AK8: variants seen among roughly 807,000 people sequenced by gnomAD.
The protein encoded by AK8 is ATP-AMP transphosphorylase 8.
A neutral mutation model predicts 54.6 loss-of-function variants in AK8; 44 were observed. That is an observed-to-expected ratio of 0.81 (90% confidence interval 0.63 to 1.04). The LOEUF is 1.04. AK8 is among the 50% of genes least tolerant of loss of function. AK8 has a pLI of 0.00. For missense variants in AK8, 555 were observed against 613.6 expected, an observed-to-expected ratio of 0.90 and a Z score of 1.01; for synonymous variants, 239 against 245.6, an observed-to-expected ratio of 0.97 and a Z score of 0.25.
At chr9:132,833,973 G>C (rs184449929) in intron 5 of AK8, among the ~76,000 whole-genome samples, 6 of 152,224 alleles carry the variant, frequency 3.9e-5, no homozygotes, top group African/African-American at 1.2e-4. Flanking sequence ...GGGCTCCCTG[G>C]GTGTTTTCCC....
chr9:132,782,365 T>C (rs1011338318), intron 11 of AK8, among the ~76,000 whole-genome samples: 1 of 152,108 alleles, frequency 6.6e-6, no homozygotes, highest in African/African-American at 2.4e-5. Context: ...CCCCAGTGCG[T>C]TTCATCTTCA....
chr9:132,874,684 C>T (rs1466985901), intron 2 of AK8, among the ~76,000 whole-genome samples: 1 of 152,188 alleles, frequency 6.6e-6, no homozygotes, highest in East Asian at 1.9e-4. Flanking sequence ...GATAATGAGA[C>T]CGTCGGAAAA....
At chr9:132,878,394 G>GC (rs1844256772), upstream of AK8, 2 of 1,242,240 alleles carry the variant, frequency 1.6e-6, no homozygotes, top group Non-Finnish European at 2.0e-6. The surrounding 1 kb of genome is among the most constrained non-coding windows in gnomAD (Gnocchi z 4.7). Context: ...CGCGCGGGTC[G>GC]CCCCCGCCCC....
At chr9:132,844,574 T>A (rs1842675320) in intron 5 of AK8, among the ~76,000 whole-genome samples, 1 of 152,182 alleles carries the variant, frequency 6.6e-6, no homozygotes, top group African/African-American at 2.4e-5. Flanking sequence ...AAGCACATAA[T>A]TAGAAGTCTA....
intron 11 of AK8, among the ~76,000 whole-genome samples, chr9:132,733,822 G>A (rs933628717): frequency 6.6e-5 from 10 of 152,156 alleles, no homozygotes; most frequent in Non-Finnish European, 1.5e-4. Flanking sequence ...GGGTGTGCTG[G>A]GCAGACCCTC....
chr9:132,777,356 C>G (rs1839266939), intron 11 of AK8, among the ~76,000 whole-genome samples: 1 of 152,102 alleles, frequency 6.6e-6, no homozygotes, highest in South Asian at 2.1e-4. Flanking sequence ...CCCACTGTCC[C>G]TGATTTTTAG....
intron 5 of AK8, among the ~76,000 whole-genome samples, chr9:132,848,944 T>G (rs2131367804): frequency 6.7e-6 from 1 of 148,684 alleles, no homozygotes. Context: ...AGTCTCACTC[T>G]GTCGCCCAGG....
Position 132,775,921 on chromosome 9 carries a change from C to T in AK8, c.1121+16713G>A, listed in dbSNP as rs1257239344. 3.9e-5 allele frequency among the ~76,000 whole-genome samples: 6 copies of T among 152,322 alleles called. No individual in the cohort carries two copies. In the East Asian group the frequency reaches 1.2e-3, roughly 29 times the overall value. Reference sequence around the variant, plus strand: ...GCAGGCAGAGTTCACAGGTTATGTACATTTTTTGATGTCACTGCTTCAAAA... The same window carrying T: ...GCAGGCAGAGTTCACAGGTTATGTATATTTTTTGATGTCACTGCTTCAAAA... On this transcript the variant is annotated intron_variant, in intron 11 of 12. Transcript: ENST00000298545.
chr9:132,733,547 G>A (rs1018477509), intron 11 of AK8, among the ~76,000 whole-genome samples: 4 of 152,366 alleles, frequency 2.6e-5, no homozygotes, highest in South Asian at 2.1e-4. Flanking sequence ...AAGATGTGAC[G>A]CACAAGGACA....
intron 4 of AK8, 25 bp from the exon 5 acceptor site, chr9:132,854,950 T>G (rs200775725): frequency 7.7e-5 from 125 of 1,613,774 alleles, no homozygotes; most frequent in East Asian, 2.0e-4. Flanking sequence ...ACACACAGAA[T>G]GATGGCCCAA....
chr9:132,823,141 G>C (rs1841721899), intron 9 of AK8, 64 bp downstream of exon 9: 1 of 1,492,572 alleles, frequency 6.7e-7, no homozygotes, highest in African/African-American at 1.4e-5. Context: ...GAGAGCTGGG[G>C]AGGAGGGGCA....
intron 11 of AK8, among the ~76,000 whole-genome samples, chr9:132,753,441 T>C (rs530424040): frequency 4.0e-4 from 61 of 152,346 alleles, no homozygotes; most frequent in African/African-American, 1.4e-3. Context: ...GAACTGCTCA[T>C]TGGACATGTT....
intron 11 of AK8, among the ~76,000 whole-genome samples, chr9:132,753,950 G>A (rs1323771327): frequency 6.6e-6 from 1 of 152,220 alleles, no homozygotes; most frequent in East Asian, 1.9e-4. Flanking sequence ...GGTGGGATAA[G>A]TCATTCAGAC....
At chr9:132,754,113 A>T (rs544923503) in intron 11 of AK8, among the ~76,000 whole-genome samples, 1 of 152,298 alleles carries the variant, frequency 6.6e-6, no homozygotes, top group African/African-American at 2.4e-5. Flanking sequence ...ACTCCAGGGG[A>T]AGAAGAAGAG....
At chr9:132,859,073 T>C (rs1843286084) in intron 4 of AK8, among the ~76,000 whole-genome samples, 2 of 152,172 alleles carry the variant, frequency 1.3e-5, no homozygotes, top group South Asian at 4.1e-4. Context: ...ATTCCCACTG[T>C]GTCTCAGTTC....
At chr9:132,798,822 T>TG (rs1840304638) in intron 10 of AK8, among the ~76,000 whole-genome samples, 1 of 152,078 alleles carries the variant, frequency 6.6e-6, no homozygotes, top group Non-Finnish European at 1.5e-5. Flanking sequence ...TGGGGGTAGA[T>TG]GGGGATCCAT....
At chr9:132,760,255 C>T (rs1355498222) in intron 11 of AK8, among the ~76,000 whole-genome samples, 1 of 151,706 alleles carries the variant, frequency 6.6e-6, no homozygotes, top group African/African-American at 2.4e-5. Context: ...ATGATTATAG[C>T]TCACTGCAGC....
intron 5 of AK8, among the ~76,000 whole-genome samples, chr9:132,845,903 T>TA (rs1842729608): frequency 4.1e-5 from 4 of 98,048 alleles, no homozygotes; most frequent in South Asian, 5.5e-4. Context: ...TAGAAATTTT[T>TA]TAAAAATCAC....
At chr9:132,866,991 T>C (rs376787475) in intron 2 of AK8, 38 bp from the exon 3 acceptor site, 76 of 1,602,676 alleles carry the variant, frequency 4.7e-5, no homozygotes, top group Non-Finnish European at 5.7e-5. Flanking sequence ...CCACTCAACA[T>C]GACAAGCAGC....
Sources: allele counts gnomAD v4.1 joint callset (sites outside exome capture counted in the v4.1 genomes callset), GRCh38; gene constraint gnomAD v4.1.1; non-coding constraint Gnocchi (gnomAD v3.1); transcripts MANE v1.5; gene names NCBI Gene and HGNC (gene_info 2026-07-23, HGNC 2026-07-21).